Variants in ATP8B4 observed in about 807,000 individuals in gnomAD.
ATP8B4 encodes probable phospholipid-transporting ATPase IM.
In ATP8B4, 133 loss-of-function variants were observed where a neutral mutation model predicts 145.6. The observed-to-expected ratio is 0.91, with a 90% CI of 0.79 to 1.05. The LOEUF (loss-of-function observed/expected upper bound fraction) is 1.05. Ranked by LOEUF, ATP8B4 falls within the 50% of genes least tolerant of loss-of-function variation. The pLI is 0.00. For synonymous variants in ATP8B4, 507 were observed against 492.9 expected (o/e 1.03, Z -0.38); for missense variants, 1,458 against 1,425.2 (o/e 1.02, Z -0.37).
intron 3 of ATP8B4, among the ~76,000 whole-genome samples, chr15:50,064,383 T>C (rs2053233788): frequency 6.6e-6 from 1 of 152,092 alleles, no homozygotes; most frequent in Non-Finnish European, 1.5e-5. Flanking sequence ...GAGATTTAGA[T>C]CAACAGTCTT....
At chr15:50,041,744 T>C (rs775843645) in intron 5 of ATP8B4, among the ~76,000 whole-genome samples, 16 of 152,060 alleles carry the variant, frequency 1.1e-4, no homozygotes, top group Non-Finnish European at 2.4e-4. Flanking sequence ...ATCGAGACCA[T>C]CTTGGCTAAC....
At chr15:50,035,373 G>A (rs956021568) in intron 6 of ATP8B4, among the ~76,000 whole-genome samples, 2 of 152,162 alleles carry the variant, frequency 1.3e-5, no homozygotes, top group African/African-American at 2.4e-5. Context: ...ATATGTATAT[G>A]ATTGTATACA....
intron 1 of ATP8B4, among the ~76,000 whole-genome samples, chr15:50,176,699 C>G (rs1196527728): frequency 1.3e-5 from 2 of 152,096 alleles, no homozygotes; most frequent in Non-Finnish European, 2.9e-5. Flanking sequence ...CATATTAGCA[C>G]TAGAAACAAT....
chr15:50,030,312 C>CT, intron 6 of ATP8B4, among the ~76,000 whole-genome samples: 1 of 152,212 alleles, frequency 6.6e-6, no homozygotes, highest in South Asian at 2.1e-4. Flanking sequence ...CTTGGTGTAT[C>CT]TTTAACTTCC....
intron 14 of ATP8B4, among the ~76,000 whole-genome samples, chr15:49,937,688 T>C (rs2041845648): frequency 1.3e-5 from 2 of 152,118 alleles, no homozygotes; most frequent in African/African-American, 4.8e-5. Context: ...AAACACAAAA[T>C]ATGAGTACTT....
At chr15:49,900,870 T>G (rs930298719) in intron 21 of ATP8B4, among the ~76,000 whole-genome samples, 2 of 152,182 alleles carry the variant, frequency 1.3e-5, no homozygotes, top group Non-Finnish European at 2.9e-5. Flanking sequence ...AATTTAGCAT[T>G]TCTTTGGAGC....
chr15:49,909,341 T>C (rs1048257693), intron 20 of ATP8B4, among the ~76,000 whole-genome samples: 15 of 152,212 alleles, frequency 9.9e-5, no homozygotes, highest in Non-Finnish European at 2.1e-4. Context: ...GGGAATGGCC[T>C]GACCAGCCTG....
intron 1 of ATP8B4, among the ~76,000 whole-genome samples, chr15:50,177,660 C>T (rs1197413924): frequency 6.6e-6 from 1 of 152,214 alleles, no homozygotes; most frequent in Non-Finnish European, 1.5e-5. Flanking sequence ...GCCACTAGGG[C>T]TCTACCGAGT....
intron 1 of ATP8B4, among the ~76,000 whole-genome samples, chr15:50,165,742 GT>G (rs1567415249): frequency 6.6e-6 from 1 of 151,126 alleles, no homozygotes; most frequent in East Asian, 2.0e-4. Context: ...TCAATTGAAT[GT>G]AGGTTTAAAA....
At chr15:50,150,888 T>C (rs930520656) in intron 1 of ATP8B4, among the ~76,000 whole-genome samples, 3 of 152,236 alleles carry the variant, frequency 2.0e-5, no homozygotes, top group African/African-American at 7.2e-5. Context: ...ATGACCATTA[T>C]CCTGTAAAGT....
At chr15:49,996,902 C>T in intron 8 of ATP8B4, 143 bp from the exon 9 acceptor site, 1 of 600,508 alleles carries the variant, frequency 1.7e-6, no homozygotes, top group South Asian at 2.5e-5. Context: ...TCACACTTCG[C>T]TCACTGTTTC....
At chr15:49,958,058 A>G (rs2043738863) in intron 14 of ATP8B4, among the ~76,000 whole-genome samples, 2 of 151,762 alleles carry the variant, frequency 1.3e-5, no homozygotes, top group African/African-American at 4.8e-5. Flanking sequence ...CAATAAAAAT[A>G]TATTCTTTTA....
intron 20 of ATP8B4, among the ~76,000 whole-genome samples, chr15:49,914,818 TA>T: frequency 6.6e-6 from 1 of 152,190 alleles, no homozygotes; most frequent in Non-Finnish European, 1.5e-5. Flanking sequence ...AATTAATAAA[TA>T]ACAGATGCTG....
chr15:50,175,370 G>C (rs965895304), intron 1 of ATP8B4, among the ~76,000 whole-genome samples: 3 of 152,150 alleles, frequency 2.0e-5, no homozygotes, highest in African/African-American at 7.2e-5. Context: ...TAGAGTGGGA[G>C]AAAATCTTTA....
chr15:50,076,417 G>A (rs953254978), intron 2 of ATP8B4, among the ~76,000 whole-genome samples: 2 of 152,030 alleles, frequency 1.3e-5, no homozygotes, highest in Admixed American at 1.3e-4. Context: ...ACTTGAACCT[G>A]GGAGGTGGAG....
At chr15:50,070,963 A>T (rs936189287) in intron 3 of ATP8B4, among the ~76,000 whole-genome samples, 1 of 152,060 alleles carries the variant, frequency 6.6e-6, no homozygotes, top group African/African-American at 2.4e-5. Context: ...GGCTGGTCTC[A>T]AACTCCTGAC....
Position 50,055,986 on chromosome 15 carries a change from G to A in ATP8B4, c.88-8522C>T, listed in dbSNP as rs995143213. ...TGGTGCAGAGTCCACAGCTTTCCAG[G>A]ATAGGGGCAATGGAAAGACGACAGT... On this transcript the variant is annotated intron_variant, in intron 3 of 27. Transcript: ENST00000284509. 2.6e-4 allele frequency among the ~76,000 whole-genome samples: 40 copies of A among 152,104 alleles called. 1 individual carries two copies. Among genetic ancestry groups the A allele is most frequent in the African/African-American group, 8.9e-4 (37 of 41,400 alleles).
intron 1 of ATP8B4, among the ~76,000 whole-genome samples, chr15:50,134,740 C>T (rs1273655487): frequency 6.6e-6 from 1 of 152,144 alleles, no homozygotes; most frequent in Non-Finnish European, 1.5e-5. Flanking sequence ...CAACATTTGG[C>T]AACAGAAGGG....
intron 6 of ATP8B4, among the ~76,000 whole-genome samples, chr15:50,024,319 G>C (rs1015244004): frequency 6.6e-6 from 1 of 152,016 alleles, no homozygotes; most frequent in Non-Finnish European, 1.5e-5. Context: ...CCTTTTGGCA[G>C]AGCTTTAAAT....
Sources: allele counts gnomAD v4.1 joint callset (sites outside exome capture counted in the v4.1 genomes callset), GRCh38; gene constraint gnomAD v4.1.1; transcripts MANE v1.5; gene names NCBI Gene and HGNC (gene_info 2026-07-23, HGNC 2026-07-21).